The following ARHGAP8 variants were observed in gnomAD, a reference collection of about 807,000 sequenced individuals.
The protein encoded by ARHGAP8 is rho GTPase-activating protein 8.
ARHGAP8 carries 62 observed loss-of-function variants against 46.1 expected under a neutral mutation model. The observed-to-expected ratio is 1.34, with a 90% CI of 1.10 to 1.66. ARHGAP8 has a LOEUF of 1.66. Among genes scored for constraint, ARHGAP8 ranks in the 40% most tolerant of loss-of-function variants. ARHGAP8 has a pLI of 0.00. For synonymous variants in ARHGAP8, 375 were observed against 243.1 expected (o/e 1.54, Z -5.05); for missense variants, 923 against 568.4 (o/e 1.62, Z -6.34).
Position 44,859,837 on chromosome 22 carries a change from G to A in ARHGAP8, c.981+3G>A, listed in dbSNP as rs367763620. The A allele has an allele frequency of 5.0e-6, 8 of 1,613,084 alleles. No individual in the cohort carries two copies. The African/African-American group carries it at 6.7e-5, about 13-fold the overall frequency. On this transcript the variant is annotated splice_donor_region_variant and intron_variant, in intron 11 of 11. Coordinates refer to ENST00000356099, the MANE Select transcript of ARHGAP8 (RefSeq NM_181335.3). ...ACCTCATGGGCTTCCTGCATGCGGT[G>A]AGTGGGGAAGGGGGGAGCTTGGGGT... is the stretch of plus-strand genomic sequence containing the variant.
chr22:44,786,980 C>G (rs1432072487), intron 2 of ARHGAP8, among the ~76,000 whole-genome samples: 1 of 147,054 alleles, frequency 6.8e-6, no homozygotes, highest in Non-Finnish European at 1.5e-5. Flanking sequence ...GATCACACCA[C>G]TGCACTCCAG....
chr22:44,850,831 G>T (rs151013726), intron 10 of ARHGAP8: 1 of 152,118 alleles, frequency 6.6e-6, no homozygotes, highest in Admixed American at 6.6e-5. Context: ...AAGCGTGGTG[G>T]TGCACGCCTG....
chr22:44,843,611 T>G (rs1408418852), intron 7 of ARHGAP8, among the ~76,000 whole-genome samples: 1 of 152,154 alleles, frequency 6.6e-6, no homozygotes, highest in Non-Finnish European at 1.5e-5. Context: ...GGTGGATTGC[T>G]TGAGCTCAGG....
At chr22:44,787,172 CT>C (rs1164095184) in intron 2 of ARHGAP8, among the ~76,000 whole-genome samples, 1 of 152,108 alleles carries the variant, frequency 6.6e-6, no homozygotes, top group African/African-American at 2.4e-5. Context: ...TCCTGCTAGG[CT>C]TTAAAGAGCA....
intron 2 of ARHGAP8, among the ~76,000 whole-genome samples, chr22:44,796,263 C>T (rs540171683): frequency 6.6e-6 from 1 of 152,334 alleles, no homozygotes; most frequent in African/African-American, 2.4e-5. Flanking sequence ...TGCCTCTGCT[C>T]TTGCTGGAGA....
intron 4 of ARHGAP8, chr22:44,809,529 G>A (rs1384035283): frequency 3.4e-6 from 1 of 291,038 alleles, no homozygotes; most frequent in Non-Finnish European, 6.7e-6. Flanking sequence ...TTTTACAGAT[G>A]AGGACATAGG....
chr22:44,834,223 G>A (rs1931139909), intron 7 of ARHGAP8, among the ~76,000 whole-genome samples: 1 of 151,968 alleles, frequency 6.6e-6, no homozygotes, highest in African/African-American at 2.4e-5. Flanking sequence ...AGTTTTTTAA[G>A]GTGGAATGTT....
chr22:44,819,900 A>G (rs1038922046), intron 5 of ARHGAP8, among the ~76,000 whole-genome samples: 4 of 152,170 alleles, frequency 2.6e-5, no homozygotes, highest in Non-Finnish European at 4.4e-5. Flanking sequence ...TCTACCCCTC[A>G]TTCTGCCTCA....
intron 2 of ARHGAP8, among the ~76,000 whole-genome samples, chr22:44,793,862 G>C (rs1414993497): frequency 1.3e-5 from 2 of 152,202 alleles, no homozygotes; most frequent in Admixed American, 1.3e-4. Flanking sequence ...TGTGTTCCCA[G>C]AGAACAGCGA....
chr22:44,854,240 T>C (rs1317646876), intron 10 of ARHGAP8, among the ~76,000 whole-genome samples: 1 of 149,160 alleles, frequency 6.7e-6, no homozygotes, highest in Non-Finnish European at 1.5e-5. Flanking sequence ...CTTGTATCTT[T>C]TTTTTTTTTT....
chr22:44,766,386 CAG>C (rs1361531858), intron 1 of ARHGAP8, among the ~76,000 whole-genome samples: 1 of 151,440 alleles, frequency 6.6e-6, no homozygotes, highest in East Asian at 1.9e-4. Context: ...GCGGAGGAGT[CAG>C]AGTGTGTGTG....
intron 2 of ARHGAP8, among the ~76,000 whole-genome samples, chr22:44,795,507 C>T (rs924502522): frequency 1.3e-5 from 2 of 152,148 alleles, no homozygotes; most frequent in Admixed American, 1.3e-4. Context: ...ACCAGAGCCA[C>T]AGGTCCCCTC....
At chr22:44,848,877 G>GCGGCAGTGCCCAGGCCGGGGTGCAGACCT in intron 9 of ARHGAP8, 55 bp from the exon 10 acceptor site, 1 of 1,606,686 alleles carries the variant, frequency 6.2e-7, no homozygotes, top group Non-Finnish European at 8.5e-7. Context: ...TCGTTCTGCA[G>GCGGCAGTGCCCAGGCCGGGGTGCAGACCT]CGGCAGTGCC....
intron 7 of ARHGAP8, among the ~76,000 whole-genome samples, chr22:44,829,289 T>G (rs1006478088): frequency 2.9e-4 from 40 of 140,210 alleles, no homozygotes; most frequent in Non-Finnish European, 4.6e-4. Flanking sequence ...AGACTCCCTC[T>G]CAAAAAAGAA....
chr22:44,854,294 T>C (rs2070169051), intron 10 of ARHGAP8, among the ~76,000 whole-genome samples: 1 of 149,596 alleles, frequency 6.7e-6, no homozygotes, highest in South Asian at 2.1e-4. Context: ...TGGAGTGCAG[T>C]GGCCTGATCT....
intron 5 of ARHGAP8, among the ~76,000 whole-genome samples, chr22:44,820,614 C>G (rs1448132336): frequency 1.3e-5 from 2 of 152,150 alleles, no homozygotes; most frequent in African/African-American, 4.8e-5. Flanking sequence ...CTAAGGCAGG[C>G]CCCGCTTTCC....
At chr22:44,816,827 A>T (rs1349612769) in intron 5 of ARHGAP8, among the ~76,000 whole-genome samples, 1 of 147,600 alleles carries the variant, frequency 6.8e-6, no homozygotes. Context: ...AAAAAAAAGA[A>T]CTGCCCTGCC....
chr22:44,807,081 C>T (rs572678010), intron 3 of ARHGAP8, among the ~76,000 whole-genome samples: 1 of 152,316 alleles, frequency 6.6e-6, no homozygotes, highest in South Asian at 2.1e-4. Flanking sequence ...GCGGCTTTCT[C>T]CCGAGGCAGT....
At chr22:44,754,372 G>C (rs1305854410) in intron 1 of ARHGAP8, among the ~76,000 whole-genome samples, 1 of 149,922 alleles carries the variant, frequency 6.7e-6, no homozygotes, top group Non-Finnish European at 1.5e-5. Flanking sequence ...GTGTGTGTGT[G>C]TGACGCAGTT....
Sources: gnomAD v4.1 joint callset for allele counts (sites outside exome capture counted in the v4.1 genomes callset) on GRCh38, gnomAD v4.1.1 for gene constraint, MANE v1.5 for transcripts, NCBI Gene and HGNC (gene_info 2026-07-23, HGNC 2026-07-21) for gene names.